COL24A1: variants seen among roughly 807,000 people sequenced by gnomAD.
The protein encoded by COL24A1 is collagen alpha-1(XXIV) chain.
In COL24A1, 224 loss-of-function variants were observed where a neutral mutation model predicts 253.9. That is an observed-to-expected ratio of 0.88 (90% CI 0.79 to 0.99). COL24A1 has a LOEUF of 0.99. COL24A1 is among the 50% of genes least tolerant of loss of function. The pLI, the probability that COL24A1 is intolerant of heterozygous loss-of-function variation, is 0.00. For missense variants in COL24A1, 2,131 were observed against 2,068.5 expected (o/e 1.03, Z -0.59); for synonymous variants, 685 against 673.7 (o/e 1.02, Z -0.26).
intron 38 of COL24A1, among the ~76,000 whole-genome samples, chr1:85,849,005 A>G (rs6695874): frequency 0.029 from 4,456 of 152,248 alleles, 216 homozygotes; most frequent in African/African-American, 0.1. Flanking sequence ...CTTCCCTCAA[A>G]TACTTTACTA....
chr1:85,885,237 G>A (rs1028829750), intron 32 of COL24A1, among the ~76,000 whole-genome samples: 2 of 151,570 alleles, frequency 1.3e-5, no homozygotes, highest in African/African-American at 2.4e-5. Context: ...GTCTTGTTCC[G>A]TCACCCAGGC....
chr1:85,755,115 A>G (rs1486451475), intron 55 of COL24A1, among the ~76,000 whole-genome samples: 2 of 152,176 alleles, frequency 1.3e-5, no homozygotes, highest in African/African-American at 4.8e-5. Flanking sequence ...CCCATAAAAA[A>G]CCATAAAGGT....
intron 5 of COL24A1, among the ~76,000 whole-genome samples, chr1:86,111,548 A>G (rs549782285): frequency 1.3e-4 from 20 of 152,174 alleles, no homozygotes; most frequent in African/African-American, 4.8e-4. Context: ...CTCTCTGTAA[A>G]ATGGACCGAT....
Position 85,799,992 on chromosome 1 carries a change from G to A in COL24A1, c.3952-13531C>T, listed in dbSNP as rs947481757. ...ATTTGTTTCTTTCAAAGTGCAATGA[G>A]CTTTCTGTACCAGTCGTACATAAAG... On this transcript the variant is annotated intron_variant, in intron 47 of 59. Transcript: ENST00000370571. 5.3e-4 allele frequency among the ~76,000 whole-genome samples: 80 copies of A among 152,182 alleles called. 1 individual carries two copies. Among genetic ancestry groups the A allele is most frequent in the Admixed American group, 3.7e-3 (56 of 15,284 alleles).
intron 53 of COL24A1, among the ~76,000 whole-genome samples, chr1:85,773,403 G>C (rs922228061): frequency 5.3e-5 from 8 of 152,148 alleles, no homozygotes; most frequent in African/African-American, 1.9e-4. Context: ...CCAATTCTGT[G>C]AAGTAAGTCA....
chr1:85,967,970 G>A, intron 22 of COL24A1, among the ~76,000 whole-genome samples: 1 of 152,134 alleles, frequency 6.6e-6, no homozygotes, highest in East Asian at 1.9e-4. Flanking sequence ...CTCTTAATCT[G>A]GTGGGCACAA....
intron 31 of COL24A1, 75 bp downstream of exon 31, chr1:85,895,783 C>CA: frequency 8.4e-7 from 1 of 1,191,664 alleles, no homozygotes; most frequent in Non-Finnish European, 1.2e-6. Context: ...ATCCCCCAAA[C>CA]ATTGTTTGAG....
chr1:85,737,615 G>T (rs1050324931), intron 57 of COL24A1, 110 bp from the exon 58 acceptor site: 1 of 699,130 alleles, frequency 1.4e-6, no homozygotes. Flanking sequence ...CCAGGCTGGA[G>T]TGCAGCGGTG....
chr1:85,756,355 G>A (rs1416599735), intron 55 of COL24A1, among the ~76,000 whole-genome samples: 1 of 152,002 alleles, frequency 6.6e-6, no homozygotes, highest in African/African-American at 2.4e-5. Context: ...GGAGGCAGAG[G>A]TTGCCGTGAG....
intron 19 of COL24A1, among the ~76,000 whole-genome samples, chr1:86,002,160 G>T (rs1246904377): frequency 6.6e-6 from 1 of 152,242 alleles, no homozygotes; most frequent in African/African-American, 2.4e-5. Flanking sequence ...GGGTTCTGAT[G>T]ATCAGCCAAT....
chr1:85,810,792 G>A (rs760501003), intron 47 of COL24A1, among the ~76,000 whole-genome samples: 2 of 152,122 alleles, frequency 1.3e-5, no homozygotes, highest in Admixed American at 6.5e-5. Context: ...AAGCTGAATA[G>A]GTTCCAGCAC....
rs1287227272 is a variant in COL24A1, at chr1:86,050,295, G to A, written c.1852-118C>T. Reference sequence around the variant, plus strand: ...TAGTACGAAATTACAAGACTTACAAGTGCGAATAACTTCCCCTCACCTAAT... The same window carrying A: ...TAGTACGAAATTACAAGACTTACAAATGCGAATAACTTCCCCTCACCTAAT... On this transcript the variant is annotated intron_variant, in intron 10 of 59. Transcript: ENST00000370571. The A allele has an allele frequency of 4.5e-6, 3 of 662,796 alleles. No homozygotes were observed. In the East Asian group the frequency reaches 9.4e-5, roughly 21 times the overall value. The allele number at this position is 662,796 out of a possible 1,614,324, so 41.1% of individuals were successfully genotyped here. A position where few individuals can be genotyped will look rare whatever the true frequency, so the allele number is the denominator to read the frequency against.
chr1:85,855,495 T>C (rs115033178), intron 37 of COL24A1, among the ~76,000 whole-genome samples: 146 of 152,360 alleles, frequency 9.6e-4, no homozygotes, highest in African/African-American at 3.4e-3. Context: ...TTAGTTATAT[T>C]TATGTGATGG....
At chr1:85,801,147 CT>C (rs35591430) in intron 47 of COL24A1, among the ~76,000 whole-genome samples, 1 of 152,166 alleles carries the variant, frequency 6.6e-6, no homozygotes, top group Non-Finnish European at 1.5e-5. Context: ...TCCTTTCAGT[CT>C]TTTTCCTCCT....
At chr1:85,740,045 T>G (rs1456038449) in intron 57 of COL24A1, among the ~76,000 whole-genome samples, 3 of 152,194 alleles carry the variant, frequency 2.0e-5, no homozygotes, top group Non-Finnish European at 4.4e-5. Context: ...TCCACAGTCC[T>G]TTACTATAGT....
chr1:85,847,265 A>G (rs941712162), intron 39 of COL24A1, among the ~76,000 whole-genome samples: 1 of 152,210 alleles, frequency 6.6e-6, no homozygotes, highest in Non-Finnish European at 1.5e-5. Context: ...TTTGTTTCCA[A>G]CCAGAGAAAG....
chr1:85,984,410 T>C (rs1472294520), intron 20 of COL24A1, among the ~76,000 whole-genome samples: 1 of 151,854 alleles, frequency 6.6e-6, no homozygotes, highest in Admixed American at 6.6e-5. Context: ...TAATTATGAT[T>C]ATTTTTTATC....
chr1:85,784,307 T>C lies in COL24A1; in HGVS notation c.4119A>G (p.Ala1373=). ...CTCCACATGGTCCTTGATCACCTTG[T>C]GCTCCTCGGTGACCTCTTTTACCTT... The part of the protein sequence containing the change: ...GIQGKRGHRG[A]QGDQGPCGDP... The change falls in exon 49 of 60, where the codon GCA becomes GCG. Residue 1373 remains alanine, a synonymous_variant. Transcript: ENST00000370571. 2 of 1,614,088 alleles carry C rather than the reference T, an allele frequency of 1.2e-6. No individual in the cohort carries two copies. Among genetic ancestry groups the C allele is most frequent in the East Asian group, 2.2e-5 (1 of 44,876 alleles).
At chr1:86,044,493 GAATATTATGTGTTTTTCAA>G (rs1699754784) in intron 12 of COL24A1, among the ~76,000 whole-genome samples, 1 of 152,068 alleles carries the variant, frequency 6.6e-6, no homozygotes, top group South Asian at 2.1e-4. Context: ...CAGAAAAAAT[GAATATTATGTGTTTTTCAA>G]ATACAATTTT....
Sources: allele counts gnomAD v4.1 joint callset (sites outside exome capture counted in the v4.1 genomes callset), GRCh38; gene constraint gnomAD v4.1.1; transcripts MANE v1.5; gene names NCBI Gene and HGNC (gene_info 2026-07-23, HGNC 2026-07-21).